Variants in ACTL8 observed in about 807,000 individuals in gnomAD.
ACTL8 encodes the protein actin-like protein 8.
Under a neutral mutation model 9.3 loss-of-function variants are expected in ACTL8, and 3 were observed. That is an observed-to-expected ratio of 0.32 (90% CI 0.15 to 0.83). The LOEUF is 0.83. ACTL8 is among the 40% of genes least tolerant of loss of function. The probability of loss-of-function intolerance (pLI) is 0.57; values close to 1 mark genes in which losing one functional copy is unlikely to be tolerated. For missense variants in ACTL8, 381 were observed against 492.2 expected (o/e 0.77, Z 2.14); for synonymous variants, 224 against 205.9 (o/e 1.09, Z -0.75).
chr1:17,796,363 C>T (rs1452169654), intron 1 of ACTL8, among the ~76,000 whole-genome samples: 3 of 150,700 alleles, frequency 2.0e-5, no homozygotes, highest in Non-Finnish European at 4.4e-5. Context: ...CTGTTTTAAA[C>T]GTTCTCTAGC....
At chr1:17,812,427 C>CT (rs141182523) in intron 1 of ACTL8, among the ~76,000 whole-genome samples, 2,424 of 122,404 alleles carry the variant, frequency 0.02, 38 homozygotes, top group East Asian at 0.068. Context: ...ATTTTTTTTC[C>CT]TTTTTTTTTT....
chr1:17,803,980 G>C (rs944258279), intron 1 of ACTL8, among the ~76,000 whole-genome samples: 18 of 152,176 alleles, frequency 1.2e-4, no homozygotes, highest in Non-Finnish European at 2.1e-4. Flanking sequence ...TGGCCTAAGT[G>C]ACATCACATA....
At chr1:17,760,339 G>A (rs184489219) in intron 1 of ACTL8, among the ~76,000 whole-genome samples, 2 of 152,266 alleles carry the variant, frequency 1.3e-5, no homozygotes, top group Admixed American at 6.5e-5. Flanking sequence ...GATGAGGGTG[G>A]CAGCTCAAAC....
At chr1:17,759,477 C>A (rs1264515852) in intron 1 of ACTL8, among the ~76,000 whole-genome samples, 2 of 152,262 alleles carry the variant, frequency 1.3e-5, no homozygotes, top group African/African-American at 4.8e-5. Context: ...CCCTGCGGGG[C>A]AGATTTCTGG....
At chr1:17,785,313 C>T (rs1224252617) in intron 1 of ACTL8, among the ~76,000 whole-genome samples, 1 of 152,186 alleles carries the variant, frequency 6.6e-6, no homozygotes, top group Non-Finnish European at 1.5e-5. Context: ...GTGTCTGGCC[C>T]CATTTGCCCA....
At chr1:17,796,472 C>T (rs1433303731) in intron 1 of ACTL8, among the ~76,000 whole-genome samples, 4 of 152,196 alleles carry the variant, frequency 2.6e-5, no homozygotes, top group East Asian at 1.9e-4. Flanking sequence ...GTCGGCATCA[C>T]GCCCCCACTT....
rs759294923 is a variant in ACTL8, at chr1:17,825,962, G to A, written c.544G>A (p.Ala182Thr). 7.5e-6 allele frequency: 12 copies of A among 1,610,258 alleles called. No homozygotes were observed. Among genetic ancestry groups the A allele is most frequent in the East Asian group, 4.5e-5 (2 of 44,888 alleles). Residue 182 changes from alanine to threonine, a missense_variant, in exon 3 of 3, where the codon GCC becomes ACC. Physicochemically the swap from Ala to Thr is moderately conservative, Grantham distance 58. Coordinates refer to ENST00000375406, the MANE Select transcript of ACTL8 (RefSeq NM_030812.3). ...GGAGTTCGCCGGCCAGGATCTCTCC[G>A]CCTATCTCCTCAAGAGTCTCTTTAA... ...TLEFAGQDLS[A>T]YLLKSLFKED...
intron 1 of ACTL8, among the ~76,000 whole-genome samples, chr1:17,783,364 TA>T (rs75523851): frequency 0.35 from 50,213 of 141,560 alleles, 8,487 homozygotes; most frequent in East Asian, 0.53. Context: ...TTTTTTTTTT[TA>T]AAAAAACTCC....
Position 17,826,407 on chromosome 1 carries a change from G to T in ACTL8, c.989G>T (p.Gly330Val). ...VSSTKATVWEGSNRNFSVWLG... is the reference protein window; with the variant it reads ...VSSTKATVWEVSNRNFSVWLG... Reference sequence around the variant, plus strand: ...TCCACCAAGGCCACAGTCTGGGAGGGTTCCAATAGAAACTTTAGTGTCTGG... The same window carrying T: ...TCCACCAAGGCCACAGTCTGGGAGGTTTCCAATAGAAACTTTAGTGTCTGG... Residue 330 changes from glycine (G) to valine (V), a missense_variant, in exon 3 of 3, where the codon GGT (glycine) becomes GTT (valine). Coordinates refer to ENST00000375406, the MANE Select transcript of ACTL8 (RefSeq NM_030812.3). This position sits in a 1 kb window ranked among gnomAD's most constrained non-coding sequence, Gnocchi z 4.5. 6.2e-7 allele frequency: 1 copy of T among 1,614,090 alleles called. No homozygotes were observed. Among genetic ancestry groups the T allele is most frequent in the Non-Finnish European group, 8.5e-7 (1 of 1,180,022 alleles).
At chr1:17,822,945 A>G in intron 1 of ACTL8, 40 bp from the exon 2 acceptor site, 5 of 1,426,794 alleles carry the variant, frequency 3.5e-6, no homozygotes, top group Non-Finnish European at 4.8e-6. Flanking sequence ...ATGGTGGCCT[A>G]GGCTGCCTGC....
intron 1 of ACTL8, among the ~76,000 whole-genome samples, chr1:17,778,363 C>A (rs1322395064): frequency 2.0e-5 from 3 of 152,034 alleles, no homozygotes; most frequent in Non-Finnish European, 2.9e-5. Flanking sequence ...CTTTCAGGAT[C>A]CTGGGTGGGG....
At position 17,765,467 on chromosome 1, in the gene ACTL8, G is replaced by A. The variant is rs562895138; in HGVS notation, c.-25+9963G>A. ...ATCAGACACTCGCAATAACCATATG[G>A]AGTTGGTGTGATAACATACCCATTT... is the stretch of plus-strand genomic sequence containing the variant. On this transcript the variant is annotated intron_variant, in intron 1 of 2. Transcript: ENST00000375406. Among the ~76,000 whole-genome samples, 15 of 152,246 alleles carry A rather than the reference G, an allele frequency of 9.9e-5. 1 individual carries two copies. In the South Asian group the frequency reaches 2.7e-3, roughly 27 times the overall value.
intron 1 of ACTL8, among the ~76,000 whole-genome samples, chr1:17,793,385 T>C (rs2066255534): frequency 1.3e-5 from 2 of 152,272 alleles, no homozygotes; most frequent in Admixed American, 1.3e-4. Flanking sequence ...GCTAGTTAAC[T>C]GAGGAGTCTT....
At chr1:17,796,690 G>A (rs749349565) in intron 1 of ACTL8, among the ~76,000 whole-genome samples, 2 of 152,184 alleles carry the variant, frequency 1.3e-5, no homozygotes, top group African/African-American at 2.4e-5. Flanking sequence ...GGCTCATACC[G>A]GATTCAAACC....
intron 1 of ACTL8, among the ~76,000 whole-genome samples, chr1:17,759,186 C>T (rs2065986431): frequency 6.6e-6 from 1 of 152,242 alleles, no homozygotes; most frequent in African/African-American, 2.4e-5. Context: ...TGTGTCCAAT[C>T]ACCCTTCTTG....
intron 1 of ACTL8, among the ~76,000 whole-genome samples, chr1:17,820,568 CTTTTT>C (rs36094618): frequency 7.2e-6 from 1 of 139,528 alleles, no homozygotes; most frequent in African/African-American, 2.7e-5. Context: ...GTATGTTGAA[CTTTTT>C]TTTTTTTTTT....
At chr1:17,788,585 C>G (rs1003332885) in intron 1 of ACTL8, among the ~76,000 whole-genome samples, 4 of 152,258 alleles carry the variant, frequency 2.6e-5, no homozygotes, top group Non-Finnish European at 5.9e-5. Context: ...AGGATGACAG[C>G]TGAGTCAGCC....
At chr1:17,814,296 A>G (rs1313829766) in intron 1 of ACTL8, among the ~76,000 whole-genome samples, 1 of 152,222 alleles carries the variant, frequency 6.6e-6, no homozygotes, top group African/African-American at 2.4e-5. Context: ...CAGGCATTCA[A>G]AACCAGCCCG....
intron 1 of ACTL8, among the ~76,000 whole-genome samples, chr1:17,791,188 T>C (rs2066236902): frequency 6.6e-6 from 1 of 152,038 alleles, no homozygotes; most frequent in Admixed American, 6.5e-5. Flanking sequence ...CACCCAGGGA[T>C]CTCCTGCCCC....
Sources: allele counts gnomAD v4.1 joint callset (sites outside exome capture counted in the v4.1 genomes callset), GRCh38; gene constraint gnomAD v4.1.1; non-coding constraint Gnocchi (gnomAD v3.1); transcripts MANE v1.5; gene names NCBI Gene and HGNC (gene_info 2026-07-23, HGNC 2026-07-21).